PPP6R3: variants seen among roughly 807,000 people sequenced by gnomAD.
PPP6R3 encodes protein phosphatase 6 regulatory subunit 3.
PPP6R3 carries 38 observed loss-of-function variants against 110.7 expected under a neutral mutation model. That is an observed-to-expected ratio of 0.34 (90% CI 0.26 to 0.45). The LOEUF (loss-of-function observed/expected upper bound fraction) is 0.45, where lower values mean the gene tolerates loss of function less well. Among genes scored for constraint, PPP6R3 ranks in the 20% least tolerant of loss-of-function variants. The pLI is 1.00. For synonymous variants in PPP6R3, 369 were observed against 373.5 expected (o/e 0.99, Z 0.14); for missense variants, 870 against 1,062.4 (o/e 0.82, Z 2.52).
chr11:68,588,381 T>G (rs2099585382), intron 16 of PPP6R3, among the ~76,000 whole-genome samples: 1 of 151,416 alleles, frequency 6.6e-6, no homozygotes, highest in South Asian at 2.1e-4. Flanking sequence ...GCACCTGTAA[T>G]CCCAGCTACT....
intron 22 of PPP6R3, among the ~76,000 whole-genome samples, chr11:68,603,751 A>C (rs968338780): frequency 6.6e-6 from 1 of 152,226 alleles, no homozygotes; most frequent in Non-Finnish European, 1.5e-5. Context: ...ATGAGAATTG[A>C]TAAATCTTTA....
intron 7 of PPP6R3, among the ~76,000 whole-genome samples, chr11:68,557,939 A>G (rs1024911098): frequency 1.4e-4 from 21 of 152,246 alleles, no homozygotes; most frequent in Non-Finnish European, 4.4e-5. Flanking sequence ...CTTACTATGT[A>G]TGAGAGAAGT....
chr11:68,548,247 T>A, intron 5 of PPP6R3, 43 bp downstream of exon 5: 16 of 1,608,310 alleles, frequency 9.9e-6, no homozygotes, highest in Non-Finnish European at 1.4e-5. Flanking sequence ...GTTAGGGTGC[T>A]GGCATGTGAG....
In PPP6R3 at chr11:68,478,656, T is replaced by A. The variant is rs911412740; in HGVS notation, c.-158+17829T>A. On this transcript the variant is annotated intron_variant, in intron 1 of 23. Coordinates refer to ENST00000393800, the MANE Select transcript of PPP6R3 (RefSeq NM_001164161.2). ...TTAGTGCACTTGGTAAGTTTTTTTT[T>A]TTTTTTTTTTTTTTTTGAGAAGATG... is the stretch of plus-strand genomic sequence containing the variant. 5.1e-5 allele frequency among the ~76,000 whole-genome samples: 6 copies of A among 118,374 alleles called. 2 individuals are homozygous for A. Among genetic ancestry groups the A allele is most frequent in the African/African-American group, 2.0e-4 (6 of 30,136 alleles). 77.7% of individuals were successfully genotyped at this position (118,374 alleles called of 152,430 possible).
rs1245020883 is a variant in PPP6R3 at position 68,515,882 on chromosome 11, AT to A, written c.-157-3612del. 3.3e-5 allele frequency among the ~76,000 whole-genome samples: 5 copies of A among 152,158 alleles called. No homozygotes were observed. In the South Asian group the frequency reaches 6.2e-4, roughly 19 times the overall value. ...ATTCTTTAGACATTGCCCCATTATC[AT>A]TTTTTTATTGTAATAAAATACATAT... On this transcript the variant is annotated intron_variant, in intron 1 of 23. Transcript: ENST00000393800.
intron 14 of PPP6R3, among the ~76,000 whole-genome samples, chr11:68,580,933 G>T (rs574109356): frequency 6.6e-6 from 1 of 151,820 alleles, no homozygotes; most frequent in African/African-American, 2.4e-5. Flanking sequence ...CACCGTGCCC[G>T]GCTAATTTTT....
chr11:68,538,026 C>T (rs60212556), intron 3 of PPP6R3, 135 bp downstream of exon 3: 162,736 of 632,168 alleles, frequency 0.26, 21,363 homozygotes, highest in Middle Eastern at 0.31. Flanking sequence ...ATGACAGGCT[C>T]GGTGGAGCGC....
At chr11:68,582,556 A>G (rs547176845) in intron 14 of PPP6R3, among the ~76,000 whole-genome samples, 1 of 152,330 alleles carries the variant, frequency 6.6e-6, no homozygotes, top group East Asian at 1.9e-4. Flanking sequence ...TGGTTTTCTT[A>G]GTGTGGGCAG....
chr11:68,468,021 G>A (rs1482308487), intron 1 of PPP6R3, among the ~76,000 whole-genome samples: 15 of 152,130 alleles, frequency 9.9e-5, no homozygotes, highest in Admixed American at 3.3e-4. Flanking sequence ...TGATCCGCCC[G>A]TCTTGGCCTC....
chr11:68,584,290 G>A (rs1174985020), intron 15 of PPP6R3, among the ~76,000 whole-genome samples: 2 of 152,178 alleles, frequency 1.3e-5, no homozygotes, highest in Non-Finnish European at 2.9e-5. Flanking sequence ...CTCATTGTGA[G>A]CCCTCGTGCC....
chr11:68,516,576 TC>T (rs1226269016), intron 1 of PPP6R3, among the ~76,000 whole-genome samples: 5 of 152,170 alleles, frequency 3.3e-5, no homozygotes, highest in African/African-American at 1.2e-4. Flanking sequence ...CTACCATACT[TC>T]ACTTGCCCAT....
intron 5 of PPP6R3, 126 bp from the exon 6 acceptor site, chr11:68,550,995 A>T: frequency 7.3e-6 from 5 of 684,258 alleles, no homozygotes; most frequent in Non-Finnish European, 1.2e-5. Context: ...TGTAGTGTTC[A>T]AAGTCCAGAG....
chr11:68,590,735 G>T lies in PPP6R3; in HGVS notation c.1785+21G>T, dbSNP rs1464353586. 1.9e-6 allele frequency: 3 copies of T among 1,562,174 alleles called. No individual in the cohort carries two copies. In the South Asian group the frequency reaches 3.6e-5, roughly 19 times the overall value. On this transcript the variant is annotated intron_variant, in intron 17 of 23. Transcript: ENST00000393800. ...AAAGTGTAAGTATAAACTCTGTTGT[G>T]AGCAGTGTGGCACATGAGAGGTTAA...
chr11:68,614,756 T>C lies in PPP6R3; in HGVS notation c.*1639T>C, dbSNP rs779871299. The C allele has an allele frequency of 9.1e-6, 14 of 1,540,604 alleles. No individual in the cohort carries two copies. The highest frequency in any genetic ancestry group is 1.2e-5 in the Non-Finnish European group (14 of 1,139,634). The stretch of plus-strand genomic sequence containing the variant: ...GAACCCCCTTTCCCGGGTGAGCCCC[T>C]CTCTGAAGAGACTGTCCTTGGGCCT... On this transcript the variant is annotated 3_prime_UTR_variant, in exon 24 of 24. Transcript: ENST00000393800.
chr11:68,519,552 G>A lies in PPP6R3; in HGVS notation c.-106G>A, dbSNP rs2099153565. 3 of 398,402 alleles carry A rather than the reference G, an allele frequency of 7.5e-6. No individual in the cohort carries two copies. Among genetic ancestry groups the A allele is most frequent in the African/African-American group, 6.2e-5 (3 of 48,684 alleles). 24.7% of individuals were successfully genotyped at this position (398,402 alleles called of 1,614,324 possible). On this transcript the variant is annotated 5_prime_UTR_variant, in exon 2 of 24. The change abolishes an upstream ATG in the 5' untranslated region. Coordinates refer to ENST00000393800, the MANE Select transcript of PPP6R3 (RefSeq NM_001164161.2). ...ACTGTATTCCTGCTAATCTGCTAAT[G>A]CAGTAAATTGGAGGAAAACTGTTAC...
chr11:68,576,324 G>A (rs1398961355), intron 14 of PPP6R3, among the ~76,000 whole-genome samples: 1 of 152,168 alleles, frequency 6.6e-6, no homozygotes, highest in East Asian at 1.9e-4. Flanking sequence ...CCCTGCTGCC[G>A]AGCACCTCAA....
At chr11:68,610,843 C>T (rs1166119388) in intron 23 of PPP6R3, among the ~76,000 whole-genome samples, 1 of 151,538 alleles carries the variant, frequency 6.6e-6, no homozygotes, top group Non-Finnish European at 1.5e-5. Context: ...TTTAACCCCC[C>T]ACCCCCACCC....
chr11:68,520,156 A>G (rs2099157032), intron 2 of PPP6R3, among the ~76,000 whole-genome samples: 3 of 152,244 alleles, frequency 2.0e-5, no homozygotes, highest in Non-Finnish European at 4.4e-5. Flanking sequence ...GGCATTTACT[A>G]GGAAGTGGTA....
intron 2 of PPP6R3, among the ~76,000 whole-genome samples, chr11:68,524,890 C>T (rs1404408950): frequency 6.6e-6 from 1 of 152,202 alleles, no homozygotes; most frequent in Non-Finnish European, 1.5e-5. Flanking sequence ...GTTGTCTTGT[C>T]TGGGAAGTGA....
Sources: gnomAD v4.1 joint callset for allele counts (sites outside exome capture counted in the v4.1 genomes callset) on GRCh38, gnomAD v4.1.1 for gene constraint, MANE v1.5 for transcripts, NCBI Gene and HGNC (gene_info 2026-07-23, HGNC 2026-07-21) for gene names.